Variants in TPRG1 observed in about 807,000 individuals in gnomAD.
TPRG1 encodes the protein tumor protein p63-regulated gene 1 protein.
TPRG1 carries 29 observed loss-of-function variants against 29.3 expected under a neutral mutation model. The ratio of observed to expected loss-of-function variants is 0.99; its 90% CI spans 0.74 to 1.35. The LOEUF is 1.35. Ranked by LOEUF, TPRG1 falls within the 40% of genes most tolerant of loss-of-function variation. The probability of loss-of-function intolerance (pLI) is 0.00; values close to 1 mark genes in which losing one functional copy is unlikely to be tolerated. For synonymous variants in TPRG1, 130 were observed against 116.8 expected, an observed-to-expected ratio of 1.11 and a Z score of -0.73; for missense variants, 327 against 335.0, an observed-to-expected ratio of 0.98 and a Z score of 0.19.
At chr3:189,210,088 G>A (rs751724879) in intron 2 of TPRG1, among the ~76,000 whole-genome samples, 1 of 152,074 alleles carries the variant, frequency 6.6e-6, no homozygotes, top group Non-Finnish European at 1.5e-5. Context: ...GCTAATGGGT[G>A]GTAGTTGAAA....
At chr3:189,150,311 T>A (rs1725769703) in intron 4 of TPRG1, among the ~76,000 whole-genome samples, 2 of 152,158 alleles carry the variant, frequency 1.3e-5, no homozygotes, top group Admixed American at 1.3e-4. Flanking sequence ...GCTTCCTGAG[T>A]AGCTGGGATT....
At chr3:189,041,636 C>T (rs1578231065) in intron 4 of TPRG1, among the ~76,000 whole-genome samples, 1 of 152,184 alleles carries the variant, frequency 6.6e-6, no homozygotes. Flanking sequence ...AGTCTTAGCC[C>T]TTTACTCAGA....
intron 4 of TPRG1, among the ~76,000 whole-genome samples, chr3:189,281,463 G>A (rs1219393526): frequency 2.0e-5 from 3 of 152,180 alleles, no homozygotes; most frequent in Admixed American, 6.5e-5. Context: ...AAAACAGAAA[G>A]ATGAAAATAT....
At chr3:189,247,667 A>G (rs751097642) in intron 4 of TPRG1, among the ~76,000 whole-genome samples, 2 of 151,932 alleles carry the variant, frequency 1.3e-5, no homozygotes, top group African/African-American at 2.4e-5. Flanking sequence ...GTGGAATTTC[A>G]AGTTATTATT....
In TPRG1 at chr3:189,299,349, A is replaced by G. The variant is rs192731706; in HGVS notation, c.480-11037A>G. 2.0e-4 allele frequency among the ~76,000 whole-genome samples: 31 copies of G among 152,302 alleles called. 1 individual carries two copies. The South Asian group carries it at 4.8e-3, about 23-fold the overall frequency. Reference sequence around the variant, plus strand: ...GCCTTCAATATAGATGTGACATGCCAGCATCTGCGGCAAAACACTTTCAAA... The same window carrying G: ...GCCTTCAATATAGATGTGACATGCCGGCATCTGCGGCAAAACACTTTCAAA... On this transcript the variant is annotated intron_variant, in intron 4 of 5. Coordinates refer to ENST00000345063, the MANE Select transcript of TPRG1 (RefSeq NM_198485.4).
At chr3:189,226,339 CAAT>C (rs1417648074) in intron 3 of TPRG1, among the ~76,000 whole-genome samples, 2 of 152,020 alleles carry the variant, frequency 1.3e-5, no homozygotes, top group African/African-American at 2.4e-5. Context: ...TCTCTGACTA[CAAT>C]GAGTCAAACT....
chr3:189,032,994 A>G (rs1345606841), intron 4 of TPRG1, among the ~76,000 whole-genome samples: 2 of 152,142 alleles, frequency 1.3e-5, no homozygotes, highest in Non-Finnish European at 2.9e-5. Context: ...TCTGTAGTCC[A>G]AATGTCCCAC....
chr3:189,266,749 C>T (rs989410517), intron 4 of TPRG1, among the ~76,000 whole-genome samples: 1 of 97,726 alleles, frequency 1.0e-5, no homozygotes, highest in Admixed American at 8.1e-5. Flanking sequence ...TATTATTGAC[C>T]ATCAGAAGCT....
intron 1 of TPRG1, among the ~76,000 whole-genome samples, chr3:189,177,770 G>C (rs1414962620): frequency 6.6e-6 from 1 of 152,008 alleles, no homozygotes. Context: ...TCTATCACAT[G>C]GTAATAATGA....
chr3:189,268,530 G>T (rs1387229488), intron 4 of TPRG1, among the ~76,000 whole-genome samples: 2 of 152,108 alleles, frequency 1.3e-5, no homozygotes, highest in African/African-American at 2.4e-5. Context: ...TCCTGCAGAG[G>T]GCAGGATCCC....
intron 4 of TPRG1, among the ~76,000 whole-genome samples, chr3:189,053,242 G>T (rs1715445559): frequency 6.6e-6 from 1 of 152,082 alleles, no homozygotes; most frequent in African/African-American, 2.4e-5. Flanking sequence ...ACTTATACTA[G>T]CTTCCAACTT....
chr3:189,203,909 C>G (rs1396838227), intron 1 of TPRG1, among the ~76,000 whole-genome samples: 3 of 152,002 alleles, frequency 2.0e-5, no homozygotes, highest in Non-Finnish European at 4.4e-5. Flanking sequence ...GGCATGGTGG[C>G]AAGCACCTGT....
intron 4 of TPRG1, among the ~76,000 whole-genome samples, chr3:189,297,223 T>C (rs2109242365): frequency 6.6e-6 from 1 of 152,210 alleles, no homozygotes; most frequent in Non-Finnish European, 1.5e-5. Context: ...TCAAGTGATC[T>C]GCCTGCCTCA....
intron 5 of TPRG1, among the ~76,000 whole-genome samples, chr3:189,312,181 CTTT>C (rs1560689655): frequency 7.8e-5 from 4 of 51,392 alleles, no homozygotes; most frequent in Admixed American, 2.6e-4. Context: ...TTCTTTCTTT[CTTT>C]TTTTCTTTCT....
chr3:189,145,217 C>T (rs1234081044), intron 3 of TPRG1, among the ~76,000 whole-genome samples: 1 of 151,980 alleles, frequency 6.6e-6, no homozygotes, highest in African/African-American at 2.4e-5. Context: ...CAAAAATTAA[C>T]TGGGCGTGGT....
intron 4 of TPRG1, among the ~76,000 whole-genome samples, chr3:189,078,266 T>G (rs1474663054): frequency 6.6e-6 from 1 of 151,684 alleles, no homozygotes; most frequent in Admixed American, 6.6e-5. Context: ...CCCTCCCGAG[T>G]AGCTGGGACT....
intron 4 of TPRG1, among the ~76,000 whole-genome samples, chr3:189,275,537 G>A (rs1715988011): frequency 6.6e-6 from 1 of 152,102 alleles, no homozygotes; most frequent in African/African-American, 2.4e-5. Context: ...AGGGTTAGAG[G>A]GAAAGGCTAT....
chr3:189,133,197 G>A (rs1021024099), intron 3 of TPRG1, among the ~76,000 whole-genome samples: 1 of 152,144 alleles, frequency 6.6e-6, no homozygotes, highest in Non-Finnish European at 1.5e-5. Context: ...GAAAGAGACT[G>A]GGATCAGATC....
intron 4 of TPRG1, among the ~76,000 whole-genome samples, chr3:189,062,041 G>T (rs1027444422): frequency 9.2e-5 from 14 of 152,092 alleles, no homozygotes; most frequent in African/African-American, 3.4e-4. Flanking sequence ...CAACTTAAAT[G>T]CCCACCAATG....
Sources: gnomAD v4.1 joint callset for allele counts (sites outside exome capture counted in the v4.1 genomes callset) on GRCh38, gnomAD v4.1.1 for gene constraint, MANE v1.5 for transcripts, NCBI Gene and HGNC (gene_info 2026-07-23, HGNC 2026-07-21) for gene names.